The following NCK2 variants were observed in gnomAD, a reference collection of about 807,000 sequenced individuals.
NCK2 encodes the protein NCK adaptor protein 2.
In NCK2, 16 loss-of-function variants were observed where a neutral mutation model predicts 33.9. That is an observed-to-expected ratio of 0.47 (90% confidence interval 0.32 to 0.72). The LOEUF is 0.72. NCK2 is among the 30% of genes least tolerant of loss of function. The pLI is 0.03. For synonymous variants in NCK2, 273 were observed against 239.9 expected (o/e 1.14, Z -1.27); for missense variants, 418 against 537.3 (o/e 0.78, Z 2.19).
chr2:105,796,449 G>T (rs1691084608), intron 1 of NCK2, among the ~76,000 whole-genome samples: 1 of 152,206 alleles, frequency 6.6e-6, no homozygotes, highest in Non-Finnish European at 1.5e-5. Context: ...TAAGGGTCAT[G>T]TATGTAAATA....
chr2:105,818,680 G>T (rs1675605353), intron 2 of NCK2, among the ~76,000 whole-genome samples: 1 of 151,970 alleles, frequency 6.6e-6, no homozygotes, highest in Non-Finnish European at 1.5e-5. Context: ...ATATTACAGT[G>T]GACATTTGTA....
chr2:105,826,089 A>T (rs571550580), intron 2 of NCK2, among the ~76,000 whole-genome samples: 1 of 152,332 alleles, frequency 6.6e-6, no homozygotes, highest in South Asian at 2.1e-4. Flanking sequence ...GGTTATTTAT[A>T]CAGGAAAGAG....
chr2:105,789,973 C>G (rs1269077685), intron 1 of NCK2, among the ~76,000 whole-genome samples: 4 of 152,192 alleles, frequency 2.6e-5, no homozygotes, highest in Non-Finnish European at 1.5e-5. Context: ...CTGGAGGGGG[C>G]AGGGTAATCA....
chr2:105,788,781 C>A (rs1457194478), intron 1 of NCK2, among the ~76,000 whole-genome samples: 1 of 151,996 alleles, frequency 6.6e-6, no homozygotes, highest in Non-Finnish European at 1.5e-5. Flanking sequence ...TAGCTTAAAT[C>A]AGTTACAAAC....
chr2:105,881,213 T>C, intron 3 of NCK2, 115 bp from the exon 4 acceptor site: 3 of 1,395,086 alleles, frequency 2.2e-6, no homozygotes, highest in Non-Finnish European at 2.9e-6. Flanking sequence ...GCACTGTCCA[T>C]GTGTCGTCCC....
intron 2 of NCK2, among the ~76,000 whole-genome samples, chr2:105,845,903 C>T (rs1390232623): frequency 3.3e-5 from 5 of 152,150 alleles, no homozygotes; most frequent in Admixed American, 1.3e-4. Context: ...CATTTTCATA[C>T]GTGGGTATTT....
At chr2:105,753,435 G>T (rs934955282) in intron 1 of NCK2, among the ~76,000 whole-genome samples, 3 of 152,230 alleles carry the variant, frequency 2.0e-5, no homozygotes, top group African/African-American at 7.2e-5. Context: ...AGCATTCCCT[G>T]GGGAGAACCG....
In NCK2 at chr2:105,860,649, C is replaced by A. The variant is rs1677488395; in HGVS notation, c.226+5360C>A. ...AAACAGTTGAAGATTTGAGCAGGGG[C>A]ATCCCATGTTCCTCTGCAGAGCTGG... On this transcript the variant is annotated intron_variant, in intron 3 of 4. Coordinates refer to ENST00000233154, the MANE Select transcript of NCK2 (RefSeq NM_003581.5). Among the ~76,000 whole-genome samples, 3 of 152,084 alleles carry A rather than the reference C, an allele frequency of 2.0e-5. No homozygotes were observed. In the Middle Eastern group the frequency reaches 0.01, roughly 517 times the overall value.
At chr2:105,844,747 GATATATATAT>G (rs67123338) in intron 2 of NCK2, among the ~76,000 whole-genome samples, 1 of 133,620 alleles carries the variant, frequency 7.5e-6, no homozygotes, top group Non-Finnish European at 1.6e-5. Context: ...GGCGGGGGGG[GATATATATAT>G]ATATATATAT....
intron 1 of NCK2, among the ~76,000 whole-genome samples, chr2:105,791,486 G>A (rs573022496): frequency 6.6e-6 from 1 of 152,246 alleles, no homozygotes; most frequent in Admixed American, 6.5e-5. Flanking sequence ...TTACCGGCCA[G>A]AGTGCTGCTG....
At chr2:105,859,014 T>G (rs968088266) in intron 3 of NCK2, among the ~76,000 whole-genome samples, 1 of 152,210 alleles carries the variant, frequency 6.6e-6, no homozygotes, top group Non-Finnish European at 1.5e-5. Flanking sequence ...GGGCTCAGAC[T>G]GCACAGCTCT....
chr2:105,766,990 T>G (rs1378853694), intron 1 of NCK2, among the ~76,000 whole-genome samples: 1 of 152,192 alleles, frequency 6.6e-6, no homozygotes, highest in African/African-American at 2.4e-5. Context: ...GGAGGAACTC[T>G]TCTCACCTGA....
intron 1 of NCK2, among the ~76,000 whole-genome samples, chr2:105,765,498 G>A (rs1462010741): frequency 3.9e-5 from 6 of 152,136 alleles, no homozygotes; most frequent in Admixed American, 3.9e-4. Context: ...CTCCCTAATG[G>A]CAGATGGAAC....
At chr2:105,862,804 G>A (rs944140133) in intron 3 of NCK2, among the ~76,000 whole-genome samples, 2 of 152,148 alleles carry the variant, frequency 1.3e-5, no homozygotes, top group African/African-American at 2.4e-5. Context: ...TTTTTGCGCC[G>A]TTTTTGTAAT....
chr2:105,764,173 A>G (rs12986783), intron 1 of NCK2, among the ~76,000 whole-genome samples: 37,385 of 152,214 alleles, frequency 0.25, 5,179 homozygotes, highest in Middle Eastern at 0.38. Context: ...CGCCTGTGCA[A>G]TGATCCTTGG....
At chr2:105,803,472 C>T (rs571227900) in intron 1 of NCK2, among the ~76,000 whole-genome samples, 5 of 152,202 alleles carry the variant, frequency 3.3e-5, no homozygotes, top group East Asian at 1.9e-4. Flanking sequence ...TCATTGAATA[C>T]GTGTGACTGA....
At chr2:105,786,440 G>T (rs1690685391) in intron 1 of NCK2, among the ~76,000 whole-genome samples, 3 of 152,228 alleles carry the variant, frequency 2.0e-5, no homozygotes, top group Admixed American at 2.0e-4. Flanking sequence ...TGCCTTTGGA[G>T]ACCTGGCTGC....
chr2:105,766,626 G>A (rs1689955694), intron 1 of NCK2, among the ~76,000 whole-genome samples: 2 of 152,064 alleles, frequency 1.3e-5, no homozygotes, highest in Non-Finnish European at 2.9e-5. Context: ...CCTGGCCTAG[G>A]TTTTCTTTTT....
At chr2:105,889,346 T>C (rs1331112725) in intron 4 of NCK2, among the ~76,000 whole-genome samples, 1 of 152,238 alleles carries the variant, frequency 6.6e-6, no homozygotes, top group African/African-American at 2.4e-5. Context: ...GCTTTGCCCA[T>C]AAATGGCATT....
Sources: gnomAD v4.1 joint callset for allele counts (sites outside exome capture counted in the v4.1 genomes callset) on GRCh38, gnomAD v4.1.1 for gene constraint, MANE v1.5 for transcripts, NCBI Gene and HGNC (gene_info 2026-07-23, HGNC 2026-07-21) for gene names.